The following MORC1 variants were observed in gnomAD, a reference collection of about 807,000 sequenced individuals.
The protein encoded by MORC1 is MORC family CW-type zinc finger protein 1.
MORC1 carries 59 observed loss-of-function variants against 134.9 expected under a neutral mutation model. The ratio of observed to expected loss-of-function variants is 0.44; its 90% CI spans 0.35 to 0.54. The LOEUF (loss-of-function observed/expected upper bound fraction) is 0.54, where lower values mean the gene tolerates loss of function less well. MORC1 is among the 20% of genes least tolerant of loss of function. MORC1 has a pLI of 0.00. For synonymous variants in MORC1, 395 were observed against 391.7 expected (o/e 1.01, Z -0.10); for missense variants, 947 against 1,134.5 (o/e 0.83, Z 2.37).
At chr3:109,105,396 G>A (rs1053934317) in intron 3 of MORC1, among the ~76,000 whole-genome samples, 1 of 152,080 alleles carries the variant, frequency 6.6e-6, no homozygotes, top group Non-Finnish European at 1.5e-5. Context: ...GGTGGCGTGT[G>A]CCTGTAGTCC....
At chr3:109,006,562 T>C (rs1948545075) in intron 18 of MORC1, among the ~76,000 whole-genome samples, 1 of 152,206 alleles carries the variant, frequency 6.6e-6, no homozygotes, top group Non-Finnish European at 1.5e-5. Flanking sequence ...GTGACTGATA[T>C]AACTGAGAAG....
intron 14 of MORC1, among the ~76,000 whole-genome samples, chr3:109,040,468 G>GAA: frequency 7.0e-6 from 1 of 143,624 alleles, no homozygotes; most frequent in Non-Finnish European, 1.5e-5. Context: ...AAGAAAGAAA[G>GAA]AAAGAAAGAA....
At chr3:109,038,348 G>A (rs1949429677) in intron 14 of MORC1, among the ~76,000 whole-genome samples, 1 of 151,422 alleles carries the variant, frequency 6.6e-6, no homozygotes, top group African/African-American at 2.4e-5. Flanking sequence ...TCCTTTGCCA[G>A]ATGGGTAGAT....
At chr3:109,046,589 C>CA (rs1949701819) in intron 14 of MORC1, among the ~76,000 whole-genome samples, 2 of 152,174 alleles carry the variant, frequency 1.3e-5, no homozygotes, top group African/African-American at 4.8e-5. Flanking sequence ...TCAAGATATA[C>CA]ATGAAGCCTA....
intron 9 of MORC1, among the ~76,000 whole-genome samples, chr3:109,063,660 C>T (rs1428604818): frequency 3.3e-5 from 5 of 152,138 alleles, no homozygotes. Context: ...GAGAAACACA[C>T]ATTCATGTAT....
chr3:108,983,476 A>G (rs943258175), intron 23 of MORC1, among the ~76,000 whole-genome samples: 1 of 152,250 alleles, frequency 6.6e-6, no homozygotes, highest in Admixed American at 6.5e-5. Context: ...GTGACTTGTC[A>G]GAAATGAGAT....
chr3:109,116,047 G>A (rs1008989623), intron 1 of MORC1, among the ~76,000 whole-genome samples: 2 of 152,172 alleles, frequency 1.3e-5, no homozygotes, highest in Non-Finnish European at 2.9e-5. Context: ...AAGAGCTAAG[G>A]AGACCAGTGA....
chr3:108,998,623 C>A (rs770566770), intron 21 of MORC1, among the ~76,000 whole-genome samples: 1 of 151,986 alleles, frequency 6.6e-6, no homozygotes, highest in Non-Finnish European at 1.5e-5. Context: ...GGAAGGAGCA[C>A]GGGGGATGGG....
intron 23 of MORC1, among the ~76,000 whole-genome samples, chr3:108,980,423 G>C (rs1288235447): frequency 6.6e-6 from 1 of 152,124 alleles, no homozygotes; most frequent in Non-Finnish European, 1.5e-5. Flanking sequence ...CTGCCCAGTA[G>C]ATAAGGCACC....
At chr3:109,111,064 A>AAAAC (rs1261295843) in intron 2 of MORC1, among the ~76,000 whole-genome samples, 17 of 150,856 alleles carry the variant, frequency 1.1e-4, no homozygotes, top group Non-Finnish European at 2.4e-4. Flanking sequence ...AAAAAAAAAA[A>AAAAC]AAAACAAAAA....
chr3:109,062,995 G>C (rs540482204), intron 10 of MORC1, among the ~76,000 whole-genome samples, 157 bp downstream of exon 10: 1 of 152,270 alleles, frequency 6.6e-6, no homozygotes, highest in South Asian at 2.1e-4. Context: ...GAGATGGAAA[G>C]AATGTGTTTT....
chr3:109,014,890 C>T (rs1948779679), intron 17 of MORC1, among the ~76,000 whole-genome samples: 1 of 151,854 alleles, frequency 6.6e-6, no homozygotes, highest in South Asian at 2.1e-4. Context: ...TCAAATAAAA[C>T]TTGTTTGTTT....
chr3:108,968,939 A>G (rs976568404), intron 26 of MORC1, among the ~76,000 whole-genome samples: 2 of 148,156 alleles, frequency 1.3e-5, no homozygotes, highest in African/African-American at 5.0e-5. Flanking sequence ...CCAAGTTCAC[A>G]TCTTGGAGTA....
intron 17 of MORC1, among the ~76,000 whole-genome samples, chr3:109,017,721 T>C (rs1948849499): frequency 6.6e-6 from 1 of 152,228 alleles, no homozygotes; most frequent in Non-Finnish European, 1.5e-5. Context: ...CTGAGTTACT[T>C]AATGAGTAGC....
At chr3:109,048,540 T>C (rs1218340526) in intron 14 of MORC1, among the ~76,000 whole-genome samples, 3 of 152,170 alleles carry the variant, frequency 2.0e-5, no homozygotes, top group African/African-American at 7.2e-5. Context: ...AAATCTCCCA[T>C]ATGTATTAGT....
chr3:109,116,345 T>A (rs1951273947), intron 1 of MORC1, among the ~76,000 whole-genome samples: 1 of 152,116 alleles, frequency 6.6e-6, no homozygotes, highest in African/African-American at 2.4e-5. Context: ...TGGACTAAAG[T>A]CAGTGGCAGT....
intron 23 of MORC1, among the ~76,000 whole-genome samples, chr3:108,980,589 T>A (rs1167774487): frequency 6.6e-6 from 1 of 152,142 alleles, no homozygotes; most frequent in Admixed American, 6.5e-5. Context: ...AGCTTTGGAA[T>A]AAAAAGTCAC....
intron 11 of MORC1, among the ~76,000 whole-genome samples, chr3:109,060,588 T>C (rs962216108): frequency 6.6e-6 from 1 of 152,138 alleles, no homozygotes; most frequent in Non-Finnish European, 1.5e-5. Context: ...GAATGAACAC[T>C]ATTTTCACTG....
chr3:109,009,788 GT>G (rs2107546585), intron 17 of MORC1, among the ~76,000 whole-genome samples: 1 of 152,218 alleles, frequency 6.6e-6, no homozygotes, highest in African/African-American at 2.4e-5. Flanking sequence ...TCTGGGGACA[GT>G]TTTTCCCTAT....
Sources: gnomAD v4.1 joint callset for allele counts (sites outside exome capture counted in the v4.1 genomes callset) on GRCh38, gnomAD v4.1.1 for gene constraint, MANE v1.5 for transcripts, NCBI Gene and HGNC (gene_info 2026-07-23, HGNC 2026-07-21) for gene names.